The following DNAH5 variants were observed in gnomAD, a reference collection of about 807,000 sequenced individuals.
DNAH5 encodes axonemal beta dynein heavy chain 5.
A neutral mutation model predicts 518.2 loss-of-function variants in DNAH5; 372 were observed. The ratio of observed to expected loss-of-function variants is 0.72; its 90% CI spans 0.66 to 0.78. DNAH5 has a LOEUF of 0.78. DNAH5 is among the 30% of genes least tolerant of loss of function. The pLI, the probability that DNAH5 is intolerant of heterozygous loss-of-function variation, is 0.00. For missense variants in DNAH5, 5,523 were observed against 5,687.0 expected (o/e 0.97, Z 0.93); for synonymous variants, 2,039 against 2,025.9 (o/e 1.01, Z -0.17).
chr5:13,882,803 C>A lies in DNAH5; in HGVS notation c.3187G>T (p.Glu1063Ter). 6.2e-7 allele frequency: 1 copy of A among 1,614,048 alleles called. No individual in the cohort carries two copies. Among genetic ancestry groups the A allele is most frequent in the Non-Finnish European group, 8.5e-7 (1 of 1,179,924 alleles). Residue 1063 changes from glutamate to a stop codon, truncating the protein, a stop_gained, in exon 21 of 79, where the codon GAA (glutamate) becomes TAA (stop). Transcript: ENST00000265104. LOFTEE classifies it high-confidence loss of function. ...SELLSKKKIQERKMAALQSNE... is the reference protein window; with the variant it reads ...SELLSKKKIQ ...CTCTGCAAAGCAGCCATTTTTCTTT[C>A]TTGTATCTTTTTCTACAATGTAAAA...
chr5:13,908,904 C>T (rs1048912589), intron 12 of DNAH5, among the ~76,000 whole-genome samples: 1 of 152,098 alleles, frequency 6.6e-6, no homozygotes, highest in African/African-American at 2.4e-5. Context: ...CATTCAGAGT[C>T]GTGGGAAGGT....
chr5:13,770,484 T>C (rs1753185206), intron 56 of DNAH5, among the ~76,000 whole-genome samples: 1 of 152,130 alleles, frequency 6.6e-6, no homozygotes, highest in Non-Finnish European at 1.5e-5. Flanking sequence ...GTCAATAGGC[T>C]CTAGAGGAGG....
intron 1 of DNAH5, among the ~76,000 whole-genome samples, chr5:13,943,976 T>G (rs137879409): frequency 5.6e-4 from 85 of 152,294 alleles, no homozygotes; most frequent in African/African-American, 2.0e-3. Context: ...TGCAGGCATA[T>G]AGAACAGGGG....
chr5:13,871,343 T>G (rs1770072289), intron 23 of DNAH5, among the ~76,000 whole-genome samples: 1 of 152,182 alleles, frequency 6.6e-6, no homozygotes, highest in Non-Finnish European at 1.5e-5. Flanking sequence ...TTCTCTGACT[T>G]AGTCTTTTTT....
chr5:13,961,456 C>T (rs1160940549), intron 1 of DNAH5, among the ~76,000 whole-genome samples: 1 of 151,972 alleles, frequency 6.6e-6, no homozygotes, highest in Non-Finnish European at 1.5e-5. Context: ...CCAGCCTGGC[C>T]AACATGGTGA....
intron 58 of DNAH5, among the ~76,000 whole-genome samples, chr5:13,766,778 ATAGAG>A (rs768713185): frequency 6.6e-6 from 1 of 152,230 alleles, no homozygotes; most frequent in Non-Finnish European, 1.5e-5. Context: ...GTATACACTT[ATAGAG>A]TAAATGATTT....
At chr5:13,887,913 C>T (rs886580067) in intron 17 of DNAH5, among the ~76,000 whole-genome samples, 2 of 152,074 alleles carry the variant, frequency 1.3e-5, no homozygotes, top group African/African-American at 4.8e-5. Flanking sequence ...TAATGCTACT[C>T]GGGAATCATT....
At chr5:13,891,947 C>G (rs887817404) in intron 16 of DNAH5, among the ~76,000 whole-genome samples, 1 of 152,128 alleles carries the variant, frequency 6.6e-6, no homozygotes, top group East Asian at 1.9e-4. Context: ...AGATACCATA[C>G]AGTAAAATTT....
intron 1 of DNAH5, among the ~76,000 whole-genome samples, chr5:13,999,466 G>GAT (rs745337563): frequency 6.6e-6 from 1 of 152,202 alleles, no homozygotes; most frequent in Non-Finnish European, 1.5e-5. Flanking sequence ...AGTTGTCTGT[G>GAT]ACTGGCTTAT....
intron 30 of DNAH5, among the ~76,000 whole-genome samples, chr5:13,858,442 T>C (rs1047256375): frequency 6.6e-6 from 1 of 152,016 alleles, no homozygotes; most frequent in Non-Finnish European, 1.5e-5. Context: ...AGGGGAGGGA[T>C]AGCATTAGGA....
chr5:13,748,060 A>T (rs9765543), intron 65 of DNAH5, among the ~76,000 whole-genome samples: 17 of 151,928 alleles, frequency 1.1e-4, no homozygotes, highest in Non-Finnish European at 1.8e-4. Context: ...TTTGTATAAG[A>T]TGTAAGGAAG....
intron 1 of DNAH5, among the ~76,000 whole-genome samples, chr5:13,966,833 T>C (rs188044979): frequency 6.6e-6 from 1 of 152,340 alleles, no homozygotes; most frequent in African/African-American, 2.4e-5. Context: ...TTTCTTTTGC[T>C]ATGCTAAAGC....
Position 13,769,525 on chromosome 5 carries a change from T to C in DNAH5, c.9696A>G (p.Gln3232=), listed in dbSNP as rs1425749713. 2 of 1,614,090 alleles carry C rather than the reference T, an allele frequency of 1.2e-6. No homozygotes were observed. Among genetic ancestry groups the C allele is most frequent in the East Asian group, 2.2e-5 (1 of 44,874 alleles). Residue 3232 remains glutamine, a synonymous_variant, in exon 57 of 79, where the codon CAA becomes CAG. Coordinates refer to ENST00000265104, the MANE Select transcript of DNAH5 (RefSeq NM_001369.3). ...KELEAKEKEL[Q]VANDKADMVL... is the part of the protein sequence containing the mutation. ...CCATGTCGGCTTTATCGTTGGCCAC[T>C]TGTAGCTCCTTTTCTTTCGCTTCCA...
rs757863604 is a variant in DNAH5 at position 13,844,845 on chromosome 5, G to A, written c.5263C>T (p.His1755Tyr). Residue 1755 changes from histidine (H) to tyrosine (Y), a missense_variant, in exon 32 of 79, where the codon CAC becomes TAC. This residue lies in a region of DNAH5 where 5,121 missense variants were observed against 5,223.3 expected (regional missense o/e 0.98). Coordinates refer to ENST00000265104, the MANE Select transcript of DNAH5 (RefSeq NM_001369.3). ...ATTAGAATTAGGCGAACCTTTTCGT[G>A]GAACTTGACAGATTTAATGTTGTCA... is the stretch of plus-strand genomic sequence containing the variant. ...VFDNIKSVKF[H>Y]EKIYDRILSI... The A allele has an allele frequency of 1.9e-6, 3 of 1,614,178 alleles. No homozygotes were observed. In the South Asian group the frequency reaches 3.3e-5, roughly 18 times the overall value.
rs151068386 is a variant in DNAH5 at position 13,909,746 on chromosome 5, T to C, written c.1644+1640A>G. ...TGCTAAATTCATTACTCTGTTCTAA[T>C]GTATGTGCTTATATTTTCATCATTT... On this transcript the variant is annotated intron_variant, in intron 12 of 78. Coordinates refer to ENST00000265104, the MANE Select transcript of DNAH5 (RefSeq NM_001369.3). Among the ~76,000 whole-genome samples, 456 of 151,900 alleles carry C rather than the reference T, an allele frequency of 3.0e-3. 2 individuals are homozygous for C. Among genetic ancestry groups the C allele is most frequent in the African/African-American group, 0.01 (426 of 41,556 alleles).
chr5:13,701,189 T>C, intron 77 of DNAH5, 95 bp downstream of exon 77: 1 of 1,520,648 alleles, frequency 6.6e-7, no homozygotes, highest in Middle Eastern at 1.7e-4. Context: ...GAGACAGTCA[T>C]TCTCTGTCTT....
intron 65 of DNAH5, among the ~76,000 whole-genome samples, chr5:13,741,996 C>T (rs1748619691): frequency 6.6e-6 from 1 of 152,116 alleles, no homozygotes; most frequent in Admixed American, 6.6e-5. Context: ...TGTCTCTTCC[C>T]TTCCATCTTC....
intron 46 of DNAH5, 53 bp downstream of exon 46, chr5:13,808,991 C>T: frequency 6.3e-7 from 1 of 1,594,232 alleles, no homozygotes; most frequent in Non-Finnish European, 8.6e-7. Flanking sequence ...ATGCAGGATG[C>T]TTCATGTCTC....
At chr5:13,706,916 G>A (rs916254147) in intron 76 of DNAH5, among the ~76,000 whole-genome samples, 48 of 152,156 alleles carry the variant, frequency 3.2e-4, no homozygotes, top group Admixed American at 6.5e-5. Context: ...CCTGGCGAAG[G>A]CTCCACCCTC....
Sources: allele counts gnomAD v4.1 joint callset (sites outside exome capture counted in the v4.1 genomes callset), GRCh38; gene constraint gnomAD v4.1.1; regional missense constraint gnomAD v4.1.1; transcripts MANE v1.5; gene names NCBI Gene and HGNC (gene_info 2026-07-23, HGNC 2026-07-21).